Variants in KCNB2 observed in about 807,000 individuals in gnomAD.
KCNB2 encodes delayed rectifier potassium channel protein.
Under a neutral mutation model 61.5 loss-of-function variants are expected in KCNB2, and 15 were observed. The observed-to-expected ratio is 0.24, with a 90% confidence interval of 0.16 to 0.38. KCNB2 has a LOEUF of 0.38. Among genes scored for constraint, KCNB2 ranks in the 10% least tolerant of loss-of-function variants. KCNB2 has a pLI of 1.00. For synonymous variants in KCNB2, 457 were observed against 446.0 expected (o/e 1.02, Z -0.31); for missense variants, 828 against 1,125.2 (o/e 0.74, Z 3.78).
At chr8:72,659,098 T>A (rs1009690177) in intron 2 of KCNB2, among the ~76,000 whole-genome samples, 2 of 152,196 alleles carry the variant, frequency 1.3e-5, no homozygotes, top group Admixed American at 6.6e-5. Flanking sequence ...AGATAGTGAT[T>A]CCTCTGATGG....
chr8:72,633,106 A>C (rs1042728274), intron 2 of KCNB2, among the ~76,000 whole-genome samples: 33 of 152,108 alleles, frequency 2.2e-4, no homozygotes, highest in Non-Finnish European at 4.3e-4. Flanking sequence ...TTTTTCTGGA[A>C]GCTCTGCAAA....
At chr8:72,666,936 G>C (rs1235981661) in intron 2 of KCNB2, among the ~76,000 whole-genome samples, 1 of 151,738 alleles carries the variant, frequency 6.6e-6, no homozygotes, top group Non-Finnish European at 1.5e-5. Context: ...GAATAAAAAA[G>C]AACACAGGTT....
intron 2 of KCNB2, among the ~76,000 whole-genome samples, chr8:72,571,970 A>T (rs1806716596): frequency 6.6e-6 from 1 of 152,212 alleles, no homozygotes. Flanking sequence ...AGTTCCCTGT[A>T]AATATTGCAT....
intron 2 of KCNB2, among the ~76,000 whole-genome samples, chr8:72,848,999 T>G (rs1414415388): frequency 6.6e-6 from 1 of 150,384 alleles, no homozygotes; most frequent in Non-Finnish European, 1.5e-5. Flanking sequence ...TTTAAGTATT[T>G]TCATCATCTT....
At chr8:72,567,230 T>C (rs1396244408) in intron 1 of KCNB2, among the ~76,000 whole-genome samples, 1 of 152,102 alleles carries the variant, frequency 6.6e-6, no homozygotes, top group African/African-American at 2.4e-5. Flanking sequence ...GAGGATCATC[T>C]GAGCCCAAGA....
intron 2 of KCNB2, among the ~76,000 whole-genome samples, chr8:72,819,611 C>A (rs1289245403): frequency 6.6e-6 from 1 of 152,104 alleles, no homozygotes; most frequent in African/African-American, 2.4e-5. Context: ...CTTAAGGATG[C>A]TGAGAGAATT....
intron 2 of KCNB2, among the ~76,000 whole-genome samples, chr8:72,683,533 A>G (rs978715686): frequency 1.3e-5 from 2 of 152,196 alleles, no homozygotes; most frequent in Non-Finnish European, 2.9e-5. Flanking sequence ...GCACAGCTTC[A>G]TCAGGGCACT....
At chr8:72,713,990 A>G (rs1807373568) in intron 2 of KCNB2, among the ~76,000 whole-genome samples, 1 of 152,244 alleles carries the variant, frequency 6.6e-6, no homozygotes, top group African/African-American at 2.4e-5. Context: ...TGAAAACCAC[A>G]GCACAAGAAC....
chr8:72,726,408 A>T (rs1188924127), intron 2 of KCNB2, among the ~76,000 whole-genome samples: 1 of 152,224 alleles, frequency 6.6e-6, no homozygotes, highest in African/African-American at 2.4e-5. Flanking sequence ...ACGCAGACCA[A>T]TATCTAAGAG....
rs766110762 is a variant in KCNB2 at position 72,567,973 on chromosome 8, A to G, written c.239A>G (p.Tyr80Cys). Residue 80 changes from tyrosine (Y) to cysteine (C), a missense_variant, in exon 2 of 3, where the codon TAT becomes TGT. Physicochemically the swap from Tyr to Cys is radical, Grantham distance 194 (BLOSUM62 -2). Around this residue, in one of 4 missense-constraint regions of KCNB2, gnomAD observed 163 missense variants for 314.4 expected, o/e 0.52. Transcript: ENST00000523207. Reference sequence around the variant, plus strand: ...AGCCTCCTGGAAGTGTGCGACGACTATAATCTGAACGAGAACGAGTATTTC... The same window carrying G: ...AGCCTCCTGGAAGTGTGCGACGACTGTAATCTGAACGAGAACGAGTATTTC... ...HESLLEVCDD[Y>C]NLNENEYFFD... 1 of 1,614,040 alleles carries G rather than the reference A, an allele frequency of 6.2e-7. No homozygotes were observed. The highest frequency in any genetic ancestry group is 8.5e-7 in the Non-Finnish European group (1 of 1,180,022).
intron 2 of KCNB2, among the ~76,000 whole-genome samples, chr8:72,663,819 T>C (rs1806420262): frequency 6.6e-6 from 1 of 152,220 alleles, no homozygotes; most frequent in Non-Finnish European, 1.5e-5. Context: ...CATATTTCTG[T>C]ATTTTTATTG....
At chr8:72,709,613 CAACT>C (rs1295501866) in intron 2 of KCNB2, among the ~76,000 whole-genome samples, 1 of 151,902 alleles carries the variant, frequency 6.6e-6, no homozygotes, top group Non-Finnish European at 1.5e-5. Context: ...GATTACTCTT[CAACT>C]AACTGAGTGA....
intron 2 of KCNB2, among the ~76,000 whole-genome samples, chr8:72,901,074 G>A (rs981446771): frequency 2.0e-5 from 3 of 152,126 alleles, no homozygotes; most frequent in African/African-American, 7.2e-5. Flanking sequence ...CAAAGACGTG[G>A]TAGCTTTTGA....
At chr8:72,923,099 T>C (rs1026574882) in intron 2 of KCNB2, among the ~76,000 whole-genome samples, 1 of 151,956 alleles carries the variant, frequency 6.6e-6, no homozygotes, top group Non-Finnish European at 1.5e-5. Context: ...AAAGAGTTTG[T>C]CCAAAAACCT....
At chr8:72,892,701 C>T (rs867319343) in intron 2 of KCNB2, among the ~76,000 whole-genome samples, 2 of 152,116 alleles carry the variant, frequency 1.3e-5, no homozygotes, top group South Asian at 2.1e-4. Context: ...AGCTTAAGCC[C>T]GTTTCCTTCT....
At chr8:72,690,862 A>G (rs1311112915) in intron 2 of KCNB2, among the ~76,000 whole-genome samples, 1 of 152,214 alleles carries the variant, frequency 6.6e-6, no homozygotes, top group Non-Finnish European at 1.5e-5. Context: ...TTTTAAAATC[A>G]GAAAGGGACG....
intron 2 of KCNB2, among the ~76,000 whole-genome samples, chr8:72,766,326 G>A (rs993043704): frequency 7.2e-5 from 11 of 152,184 alleles, no homozygotes; most frequent in Admixed American, 6.5e-4. Context: ...GCTCTGAAAG[G>A]ATAGCCTATG....
intron 2 of KCNB2, among the ~76,000 whole-genome samples, chr8:72,909,724 G>T (rs1806251625): frequency 6.6e-6 from 1 of 152,108 alleles, no homozygotes; most frequent in African/African-American, 2.4e-5. Flanking sequence ...GGAGGTATGA[G>T]AGATATTTAA....
chr8:72,904,395 G>C (rs1285592180), intron 2 of KCNB2, among the ~76,000 whole-genome samples: 3 of 152,066 alleles, frequency 2.0e-5, no homozygotes, highest in Non-Finnish European at 4.4e-5. Context: ...GGATCAGGAA[G>C]AATAACTTGT....
Sources: allele counts gnomAD v4.1 joint callset (sites outside exome capture counted in the v4.1 genomes callset), GRCh38; gene constraint gnomAD v4.1.1; regional missense constraint gnomAD v4.1.1; transcripts MANE v1.5; gene names NCBI Gene and HGNC (gene_info 2026-07-23, HGNC 2026-07-21).